The following B4GALT5 variants were observed in gnomAD, a reference collection of about 807,000 sequenced individuals.
B4GALT5 encodes the protein UDP-Gal:beta-GlcNAc beta-1,4-galactosyltransferase 5.
Under a neutral mutation model 45.0 loss-of-function variants are expected in B4GALT5, and 11 were observed. The observed-to-expected ratio is 0.24, with a 90% CI of 0.15 to 0.40. B4GALT5 has a LOEUF of 0.40. Ranked by LOEUF, B4GALT5 falls within the 10% of genes least tolerant of loss-of-function variation. The probability of loss-of-function intolerance (pLI) is 1.00; values close to 1 mark genes in which losing one functional copy is unlikely to be tolerated. For synonymous variants in B4GALT5, 185 were observed against 182.9 expected (o/e 1.01, Z -0.09); for missense variants, 337 against 500.2 (o/e 0.67, Z 3.11).
At chr20:49,640,329 A>G in intron 6 of B4GALT5, 149 bp downstream of exon 6, 1 of 657,504 alleles carries the variant, frequency 1.5e-6, no homozygotes, top group Non-Finnish European at 2.4e-6. Context: ...CTCCTGCCAA[A>G]CAGTGCTCCA....
At position 49,647,874 on chromosome 20, in the gene B4GALT5, T is replaced by C. The variant is rs558686125; in HGVS notation, c.251-796A>G. On this transcript the variant is annotated intron_variant, in intron 2 of 8. Transcript: ENST00000371711. ...TCTCTCGGTGATGATTCCTCCCTTC[T>C]GTACTCTGTGCTGCCTTTCTGGAGA... Among the ~76,000 whole-genome samples the C allele has an allele frequency of 6.7e-4, 102 of 152,268 alleles. 2 individuals carry two copies. Among genetic ancestry groups the C allele is most frequent in the African/African-American group, 2.4e-3 (100 of 41,540 alleles).
intron 1 of B4GALT5, among the ~76,000 whole-genome samples, chr20:49,699,152 C>T (rs1179978596): frequency 6.6e-6 from 1 of 152,078 alleles, no homozygotes; most frequent in African/African-American, 2.4e-5. Context: ...GTATCTACCA[C>T]ACTTAGAATG....
Position 49,713,655 on chromosome 20 carries a change from G to A in B4GALT5, c.36C>T (p.Arg12=). 6.4e-7 allele frequency: 1 copy of A among 1,564,504 alleles called. No homozygotes were observed. Among genetic ancestry groups the A allele is most frequent in the Non-Finnish European group, 8.6e-7 (1 of 1,157,834 alleles). The change falls in exon 1 of 9, where the codon CGC becomes CGT. Residue 12 remains arginine, a synonymous_variant. Transcript: ENST00000371711. The part of the protein sequence containing the change: ...RARRGLLRLP[R]RSLLAALFFF... ...AGAAGAGCGCGGCGAGCAGCGAGCGGCGCGGCAGCCGCAGCAGCCCCCGGC... is the reference window on the plus strand; with the variant it reads ...AGAAGAGCGCGGCGAGCAGCGAGCGACGCGGCAGCCGCAGCAGCCCCCGGC...
At chr20:49,682,177 C>T (rs532219188) in intron 1 of B4GALT5, among the ~76,000 whole-genome samples, 1 of 152,330 alleles carries the variant, frequency 6.6e-6, no homozygotes, top group South Asian at 2.1e-4. Flanking sequence ...CAATGGCTTA[C>T]ACTAAACCAG....
intron 1 of B4GALT5, among the ~76,000 whole-genome samples, chr20:49,667,744 T>G (rs1328028076): frequency 1.3e-5 from 2 of 152,224 alleles, no homozygotes; most frequent in African/African-American, 4.8e-5. Flanking sequence ...CAACATGTCA[T>G]ATATTTCAGG....
intron 1 of B4GALT5, among the ~76,000 whole-genome samples, chr20:49,681,505 G>A (rs1397501065): frequency 1.3e-5 from 2 of 152,108 alleles, no homozygotes; most frequent in African/African-American, 2.4e-5. Flanking sequence ...AATACCACCT[G>A]TTTGCTGGAC....
intron 3 of B4GALT5, among the ~76,000 whole-genome samples, chr20:49,643,961 C>T: frequency 1.6e-5 from 2 of 127,638 alleles, no homozygotes; most frequent in Non-Finnish European, 3.1e-5. Context: ...GACAGTCTCG[C>T]TCTGTTGCCC....
chr20:49,670,545 A>G (rs957134449), intron 1 of B4GALT5, among the ~76,000 whole-genome samples: 4 of 152,190 alleles, frequency 2.6e-5, no homozygotes, highest in Non-Finnish European at 5.9e-5. Flanking sequence ...GGCATGCATC[A>G]TGGTGTCTGA....
chr20:49,666,308 G>A (rs1249720607), intron 1 of B4GALT5, among the ~76,000 whole-genome samples: 1 of 152,204 alleles, frequency 6.6e-6, no homozygotes, highest in East Asian at 1.9e-4. Flanking sequence ...GAGGGAAAAT[G>A]TCAAGATATA....
chr20:49,686,889 A>G (rs1165440139), intron 1 of B4GALT5, among the ~76,000 whole-genome samples: 1 of 151,756 alleles, frequency 6.6e-6, no homozygotes, highest in African/African-American at 2.4e-5. Flanking sequence ...ACACAGCGAG[A>G]CCCCATCTTT....
chr20:49,713,514 G>A lies in B4GALT5; in HGVS notation c.115+62C>T, dbSNP rs906875828. 38 of 1,504,772 alleles carry A rather than the reference G, an allele frequency of 2.5e-5. No individual in the cohort carries two copies. In the African/African-American group the frequency reaches 4.5e-4, roughly 18 times the overall value. 93.2% of individuals were successfully genotyped at this position (1,504,772 alleles called of 1,614,324 possible). A position where few individuals can be genotyped will look rare whatever the true frequency, so the allele number is the denominator to read the frequency against. ...GCCGGGGCCCCTTAGGGAGGGGCGGGGATTCCCCGGGTCCCTCAAGGCCAG... is the reference window on the plus strand; with the variant it reads ...GCCGGGGCCCCTTAGGGAGGGGCGGAGATTCCCCGGGTCCCTCAAGGCCAG... On this transcript the variant is annotated intron_variant, in intron 1 of 8. Coordinates refer to ENST00000371711, the MANE Select transcript of B4GALT5 (RefSeq NM_004776.4).
intron 2 of B4GALT5, among the ~76,000 whole-genome samples, chr20:49,655,776 A>G (rs534512416): frequency 9.2e-5 from 14 of 151,962 alleles, no homozygotes; most frequent in South Asian, 6.2e-4. Context: ...TAAAAATACA[A>G]AAATTAGCCA....
At chr20:49,663,374 A>G (rs2085672820) in intron 1 of B4GALT5, among the ~76,000 whole-genome samples, 1 of 152,036 alleles carries the variant, frequency 6.6e-6, no homozygotes. Context: ...AGCAAAACCC[A>G]TGAATTGACT....
intron 5 of B4GALT5, among the ~76,000 whole-genome samples, chr20:49,641,938 A>T (rs1222583176): frequency 6.6e-6 from 1 of 152,118 alleles, no homozygotes; most frequent in African/African-American, 2.4e-5. Context: ...GCAGGACCAA[A>T]AAAAAAAAGA....
At chr20:49,712,825 G>A (rs1369187655) in intron 1 of B4GALT5, among the ~76,000 whole-genome samples, 2 of 129,918 alleles carry the variant, frequency 1.5e-5, no homozygotes, top group South Asian at 2.7e-4. Context: ...GTGCCCTTGT[G>A]GGTACGCGAG....
At chr20:49,687,921 G>A (rs929231748) in intron 1 of B4GALT5, among the ~76,000 whole-genome samples, 6 of 151,920 alleles carry the variant, frequency 3.9e-5, no homozygotes, top group Admixed American at 2.6e-4. Flanking sequence ...GAAGACTTTG[G>A]AGAACTGTGG....
At chr20:49,679,714 C>T (rs1272983409) in intron 1 of B4GALT5, among the ~76,000 whole-genome samples, 2 of 151,990 alleles carry the variant, frequency 1.3e-5, no homozygotes, top group Non-Finnish European at 2.9e-5. Context: ...CCTTGTTTCA[C>T]ACATCAGCTG....
chr20:49,671,729 T>G (rs1298367665), intron 1 of B4GALT5, among the ~76,000 whole-genome samples: 3 of 152,226 alleles, frequency 2.0e-5, no homozygotes, highest in Non-Finnish European at 4.4e-5. Flanking sequence ...CCAAATCTGT[T>G]TAAATCAACT....
chr20:49,659,695 T>C (rs1308175655), intron 1 of B4GALT5, among the ~76,000 whole-genome samples: 3 of 152,164 alleles, frequency 2.0e-5, no homozygotes, highest in Non-Finnish European at 4.4e-5. Flanking sequence ...TGCTTCCCAC[T>C]ACTGGGGAAC....
Sources: gnomAD v4.1 joint callset for allele counts (sites outside exome capture counted in the v4.1 genomes callset) on GRCh38, gnomAD v4.1.1 for gene constraint, MANE v1.5 for transcripts, NCBI Gene and HGNC (gene_info 2026-07-23, HGNC 2026-07-21) for gene names.